Variants in KIF26B observed in about 807,000 individuals in gnomAD.
KIF26B encodes the protein kinesin family member 26B.
KIF26B carries 63 observed loss-of-function variants against 151.2 expected under a neutral mutation model. The ratio of observed to expected loss-of-function variants is 0.42; its 90% CI spans 0.34 to 0.51. The LOEUF (loss-of-function observed/expected upper bound fraction) is 0.51. KIF26B is among the 20% of genes least tolerant of loss of function. The pLI, the probability that KIF26B is intolerant of heterozygous loss-of-function variation, is 0.07. For synonymous variants in KIF26B, 1,357 were observed against 1,262.1 expected, an observed-to-expected ratio of 1.08 and a Z score of -1.59; for missense variants, 2,813 against 2,913.6, an observed-to-expected ratio of 0.97 and a Z score of 0.79.
intron 5 of KIF26B, among the ~76,000 whole-genome samples, chr1:245,581,005 T>C (rs756267758): frequency 9.9e-5 from 15 of 152,254 alleles, no homozygotes; most frequent in Admixed American, 2.0e-4. Context: ...TTCATTCCAT[T>C]AATTTCTCTC....
chr1:245,631,880 C>T (rs2043784455), intron 9 of KIF26B, among the ~76,000 whole-genome samples: 2 of 152,018 alleles, frequency 1.3e-5, no homozygotes, highest in Non-Finnish European at 2.9e-5. Flanking sequence ...CTTCATAAGA[C>T]TCTAATCATT....
rs993809651 is a variant in KIF26B, at chr1:245,521,933, G to C, written c.1167-18834G>C. Among the ~76,000 whole-genome samples, 4 of 144,504 alleles carry C rather than the reference G, an allele frequency of 2.8e-5. No individual in the cohort carries two copies. In the Admixed American group the frequency reaches 2.9e-4, roughly 10 times the overall value. 94.8% of individuals were successfully genotyped at this position (144,504 alleles called of 152,430 possible). A position where few individuals can be genotyped will look rare whatever the true frequency, so the allele number is the denominator to read the frequency against. On this transcript the variant is annotated intron_variant, in intron 4 of 14. Transcript: ENST00000407071. ...CAGGCTGGATGGAGTGCAGTGGTGC[G>C]ATCTCGGCTCACTGCAAGCTCTGCC...
intron 4 of KIF26B, among the ~76,000 whole-genome samples, chr1:245,461,629 A>G (rs1459871828): frequency 6.6e-6 from 1 of 152,044 alleles, no homozygotes; most frequent in Admixed American, 6.5e-5. Flanking sequence ...ACCAGGACCC[A>G]TCAGAGCTTC....
intron 4 of KIF26B, among the ~76,000 whole-genome samples, chr1:245,440,654 A>C (rs1006550632): frequency 6.6e-6 from 1 of 152,240 alleles, no homozygotes; most frequent in East Asian, 1.9e-4. Context: ...TTCTCAGCTA[A>C]GTGCCACAGG....
At chr1:245,430,059 C>A (rs1658741791) in intron 4 of KIF26B, among the ~76,000 whole-genome samples, 1 of 152,114 alleles carries the variant, frequency 6.6e-6, no homozygotes, top group African/African-American at 2.4e-5. Context: ...CTGGAATTGT[C>A]GTGATACTCA....
chr1:245,340,854 C>T (rs947520865), intron 2 of KIF26B, among the ~76,000 whole-genome samples: 3 of 152,046 alleles, frequency 2.0e-5, no homozygotes, highest in Admixed American at 6.6e-5. Context: ...GAGGGTGCGA[C>T]GTTTCAGCCA....
At chr1:245,193,803 G>A (rs1292921931) in intron 2 of KIF26B, among the ~76,000 whole-genome samples, 1 of 152,204 alleles carries the variant, frequency 6.6e-6, no homozygotes, top group Non-Finnish European at 1.5e-5. Flanking sequence ...CAACTTACTT[G>A]TTCTTTATGA....
rs1447709600 is a variant in KIF26B, at chr1:245,564,749, G to A, written c.1350+23799G>A. 6.6e-6 allele frequency among the ~76,000 whole-genome samples: 1 copy of A among 152,156 alleles called. No homozygotes were observed. The highest frequency in any genetic ancestry group is 2.4e-5 in the African/African-American group (1 of 41,434). ...GTTTCACGGAAGACAGTTTTCCCAC[G>A]GACCAAGGGTGGTGGTGGGGGATGA... On this transcript the variant is annotated intron_variant, in intron 5 of 14. Coordinates refer to ENST00000407071, the MANE Select transcript of KIF26B (RefSeq NM_018012.4). This position sits in a 1 kb window ranked among gnomAD's most constrained non-coding sequence, Gnocchi z 4.6.
intron 2 of KIF26B, among the ~76,000 whole-genome samples, chr1:245,202,088 TC>T (rs1669309783): frequency 6.6e-6 from 1 of 152,224 alleles, no homozygotes; most frequent in Non-Finnish European, 1.5e-5. Context: ...TACTCAATTA[TC>T]CCATTTTCGA....
chr1:245,640,684 T>C (rs1414442300), intron 9 of KIF26B, among the ~76,000 whole-genome samples: 1 of 152,144 alleles, frequency 6.6e-6, no homozygotes. Context: ...TATAGATTTT[T>C]GCTTTAGGTT....
intron 2 of KIF26B, chr1:245,353,684 G>A (rs1041228993): frequency 6.5e-6 from 1 of 152,718 alleles, no homozygotes; most frequent in Non-Finnish European, 1.5e-5. Context: ...AGTTCCTGGA[G>A]AAATGCTTCC....
rs1241362735 is a variant in KIF26B at position 245,601,255 on chromosome 1, G to T, written c.1351-1322G>T. Among the ~76,000 whole-genome samples, 1 of 152,166 alleles carries T rather than the reference G, an allele frequency of 6.6e-6. No homozygotes were observed. Among genetic ancestry groups the T allele is most frequent in the Non-Finnish European group, 1.5e-5 (1 of 68,036 alleles). On this transcript the variant is annotated intron_variant, in intron 5 of 14. Transcript: ENST00000407071. The surrounding 1 kb of genome is among the most constrained non-coding windows in gnomAD (Gnocchi z 4.4). ...TAGAAGGCAAGCACAGCGGGGACACGGTGCAGGACACCTGCGGACCCAGTG... is the reference window on the plus strand; with the variant it reads ...TAGAAGGCAAGCACAGCGGGGACACTGTGCAGGACACCTGCGGACCCAGTG...
intron 4 of KIF26B, among the ~76,000 whole-genome samples, chr1:245,493,721 A>G (rs1057496530): frequency 3.9e-5 from 6 of 152,346 alleles, no homozygotes; most frequent in African/African-American, 1.2e-4. Context: ...AGGGAACTAT[A>G]GAGAGTGGAG....
chr1:245,266,518 T>G (rs1670749093), intron 2 of KIF26B, among the ~76,000 whole-genome samples: 1 of 151,840 alleles, frequency 6.6e-6, no homozygotes, highest in African/African-American at 2.4e-5. Flanking sequence ...TTTCTTTCTT[T>G]TTTTTTTTGA....
chr1:245,199,617 T>C lies in KIF26B; in HGVS notation c.465+42934T>C, dbSNP rs1252854137. ...CCTCAGCCTCCCAAGCAGCTGTGAT[T>C]ACAGGCATGCGCCACCATGCCCGGC... On this transcript the variant is annotated intron_variant, in intron 2 of 14. Coordinates refer to ENST00000407071, the MANE Select transcript of KIF26B (RefSeq NM_018012.4). Among the ~76,000 whole-genome samples, 72 of 152,090 alleles carry C rather than the reference T, an allele frequency of 4.7e-4. 1 individual carries two copies. The highest frequency in any genetic ancestry group is 4.5e-3 in the Admixed American group (68 of 15,268).
intron 3 of KIF26B, among the ~76,000 whole-genome samples, chr1:245,399,176 C>G (rs1175867253): frequency 6.6e-6 from 1 of 152,126 alleles, no homozygotes; most frequent in African/African-American, 2.4e-5. Context: ...TTTTGAGGGT[C>G]TTTTAACTGT....
At chr1:245,435,170 T>TCCAC (rs1375709817) in intron 4 of KIF26B, among the ~76,000 whole-genome samples, 22 of 138,488 alleles carry the variant, frequency 1.6e-4, no homozygotes, top group Non-Finnish European at 8.0e-5. Context: ...CATCCATCCA[T>TCCAC]CCACCCACCC....
chr1:245,646,532 C>G (rs1385055904), intron 10 of KIF26B, among the ~76,000 whole-genome samples: 1 of 152,172 alleles, frequency 6.6e-6, no homozygotes, highest in Non-Finnish European at 1.5e-5. Flanking sequence ...GAAATTATCT[C>G]AGTTGAGGTC....
rs150015978 is a variant in KIF26B at position 245,464,351 on chromosome 1, C to G, written c.1166+44606C>G. Among the ~76,000 whole-genome samples, 836 of 151,860 alleles carry G rather than the reference C, an allele frequency of 5.5e-3. 3 individuals carry two copies. Among genetic ancestry groups the G allele is most frequent in the Non-Finnish European group, 9.7e-3 (662 of 67,916 alleles). On this transcript the variant is annotated intron_variant, in intron 4 of 14. Coordinates refer to ENST00000407071, the MANE Select transcript of KIF26B (RefSeq NM_018012.4). The stretch of plus-strand genomic sequence containing the variant: ...CGACCCAGTGAGCACGTGTGTGCAT[C>G]TGTGGGTGTGTGCGTGTGTGGGTGT...
Sources: allele counts gnomAD v4.1 joint callset (sites outside exome capture counted in the v4.1 genomes callset), GRCh38; gene constraint gnomAD v4.1.1; non-coding constraint Gnocchi (gnomAD v3.1); transcripts MANE v1.5; gene names NCBI Gene and HGNC (gene_info 2026-07-23, HGNC 2026-07-21).